Variants in GPR158 observed in about 807,000 individuals in gnomAD.
GPR158 encodes G protein-coupled receptor 158.
Under a neutral mutation model 78.2 loss-of-function variants are expected in GPR158, and 30 were observed. The observed-to-expected ratio is 0.38, with a 90% CI of 0.29 to 0.52. The LOEUF is 0.52. Ranked by LOEUF, GPR158 falls within the 20% of genes least tolerant of loss-of-function variation. The pLI is 0.83. For synonymous variants in GPR158, 581 were observed against 591.1 expected (o/e 0.98, Z 0.25); for missense variants, 1,463 against 1,523.5 (o/e 0.96, Z 0.66).
At chr10:25,490,762 T>C (rs893632718) in intron 5 of GPR158, among the ~76,000 whole-genome samples, 2 of 150,252 alleles carry the variant, frequency 1.3e-5, no homozygotes, top group African/African-American at 4.9e-5. Flanking sequence ...TATGTGTGCA[T>C]GTGTCTTTAT....
intron 2 of GPR158, among the ~76,000 whole-genome samples, chr10:25,344,877 G>A (rs771119826): frequency 1.3e-5 from 2 of 151,890 alleles, no homozygotes; most frequent in Non-Finnish European, 2.9e-5. Context: ...CAGATTTTCT[G>A]GTGAGGGCCT....
intron 5 of GPR158, among the ~76,000 whole-genome samples, chr10:25,543,537 G>A (rs1219491015): frequency 6.6e-6 from 1 of 152,192 alleles, no homozygotes; most frequent in Non-Finnish European, 1.5e-5. Flanking sequence ...GCTGTAGTGT[G>A]TAATGATGAC....
chr10:25,297,384 A>G (rs1431183983), intron 2 of GPR158, among the ~76,000 whole-genome samples: 1 of 152,252 alleles, frequency 6.6e-6, no homozygotes, highest in African/African-American at 2.4e-5. Context: ...ATGAATCAAT[A>G]CATAAGCAAA....
intron 2 of GPR158, among the ~76,000 whole-genome samples, chr10:25,324,086 T>C (rs1588799470): frequency 6.6e-6 from 1 of 152,200 alleles, no homozygotes; most frequent in African/African-American, 2.4e-5. Flanking sequence ...ACTTTCTCCA[T>C]ATCAGTGATA....
chr10:25,198,547 A>G (rs186584894), intron 1 of GPR158, among the ~76,000 whole-genome samples: 1 of 152,314 alleles, frequency 6.6e-6, no homozygotes, highest in Non-Finnish European at 1.5e-5. Flanking sequence ...TTTTCTGGCA[A>G]TATTTTGGGA....
In GPR158 at chr10:25,575,293, C is replaced by T. The variant is rs191362439; in HGVS notation, c.1753+2406C>T. On this transcript the variant is annotated intron_variant, in intron 7 of 10. Transcript: ENST00000376351. ...GAAGCAGAAAAGTGATATAATGAAT[C>T]GGTAAATTCAATCAAGATGACTATA... Among the ~76,000 whole-genome samples the T allele has an allele frequency of 3.8e-4, 58 of 152,018 alleles. No homozygotes were observed. In the Middle Eastern group the frequency reaches 0.01, roughly 27 times the overall value.
chr10:25,319,828 C>A (rs568313908), intron 2 of GPR158, among the ~76,000 whole-genome samples: 1 of 144,748 alleles, frequency 6.9e-6, no homozygotes, highest in East Asian at 2.0e-4. Context: ...CCCCACCCCC[C>A]CCAAAAAAAA....
At chr10:25,420,741 G>A (rs543098685) in intron 4 of GPR158, among the ~76,000 whole-genome samples, 1 of 152,202 alleles carries the variant, frequency 6.6e-6, no homozygotes, top group East Asian at 1.9e-4. Flanking sequence ...CTGTAGAGTT[G>A]TCCTGTCAGC....
At chr10:25,285,589 G>T (rs887625944) in intron 2 of GPR158, among the ~76,000 whole-genome samples, 1 of 152,102 alleles carries the variant, frequency 6.6e-6, no homozygotes, top group Non-Finnish European at 1.5e-5. Flanking sequence ...TCTGCAGATA[G>T]ATCAACACAT....
intron 2 of GPR158, among the ~76,000 whole-genome samples, chr10:25,377,768 C>T (rs897033649): frequency 2.0e-5 from 3 of 151,956 alleles, no homozygotes; most frequent in African/African-American, 7.2e-5. Flanking sequence ...TTTTATTTAT[C>T]CATTCGTCAG....
intron 2 of GPR158, among the ~76,000 whole-genome samples, chr10:25,263,109 A>T (rs1332020255): frequency 6.6e-6 from 1 of 152,318 alleles, no homozygotes; most frequent in African/African-American, 2.4e-5. Context: ...TATTGTATCT[A>T]AAAAGTACTT....
chr10:25,378,292 G>T (rs1015515111), intron 2 of GPR158, among the ~76,000 whole-genome samples: 5 of 152,044 alleles, frequency 3.3e-5, no homozygotes, highest in African/African-American at 2.4e-5. Flanking sequence ...AATTGTGCTT[G>T]TTTTGTCCTT....
chr10:25,271,257 A>G (rs892018963), intron 2 of GPR158, among the ~76,000 whole-genome samples: 12 of 152,142 alleles, frequency 7.9e-5, no homozygotes, highest in Non-Finnish European at 1.3e-4. Flanking sequence ...ATGGCATCCT[A>G]TCCTGTTTCT....
rs375055423 is a variant in GPR158, at chr10:25,179,934, G to A, written c.902+3612G>A. On this transcript the variant is annotated intron_variant, in intron 1 of 10. Coordinates refer to ENST00000376351, the MANE Select transcript of GPR158 (RefSeq NM_020752.3). ...TTTGTTTGCATAATGATTTTTCTTC[G>A]TGGGACTTAAAGTACTATGGAGTTG... Among the ~76,000 whole-genome samples the A allele has an allele frequency of 9.9e-5, 15 of 152,070 alleles. No individual in the cohort carries two copies. The East Asian group carries it at 1.5e-3, about 16-fold the overall frequency.
At chr10:25,274,322 A>G (rs115908264) in intron 2 of GPR158, among the ~76,000 whole-genome samples, 1,535 of 152,330 alleles carry the variant, frequency 0.01, 43 homozygotes, top group African/African-American at 0.035. Context: ...TAACACATGA[A>G]TAATAAAATA....
intron 5 of GPR158, among the ~76,000 whole-genome samples, chr10:25,470,612 A>G (rs1835486571): frequency 6.6e-6 from 1 of 152,202 alleles, no homozygotes; most frequent in Admixed American, 6.5e-5. Context: ...TTTCTAGCAT[A>G]GAGTTATGCA....
At chr10:25,415,651 A>G (rs1197537570) in intron 4 of GPR158, among the ~76,000 whole-genome samples, 1 of 152,132 alleles carries the variant, frequency 6.6e-6, no homozygotes, top group African/African-American at 2.4e-5. Context: ...CCCAGTATAT[A>G]TCCAGAAGAA....
chr10:25,320,153 C>T (rs978538784), intron 2 of GPR158, among the ~76,000 whole-genome samples: 2 of 152,164 alleles, frequency 1.3e-5, no homozygotes, highest in African/African-American at 2.4e-5. Context: ...CCTGAGATAT[C>T]TTTATATGTC....
At chr10:25,288,815 A>G (rs1397653236) in intron 2 of GPR158, among the ~76,000 whole-genome samples, 1 of 152,106 alleles carries the variant, frequency 6.6e-6, no homozygotes, top group Non-Finnish European at 1.5e-5. Flanking sequence ...AAAAATAATA[A>G]CTCTTGCTAG....
Sources: gnomAD v4.1 joint callset for allele counts (sites outside exome capture counted in the v4.1 genomes callset) on GRCh38, gnomAD v4.1.1 for gene constraint, MANE v1.5 for transcripts, NCBI Gene and HGNC (gene_info 2026-07-23, HGNC 2026-07-21) for gene names.